SLC7A14: variants seen among roughly 807,000 people sequenced by gnomAD.
SLC7A14 encodes gamma-aminobutyric acid transporter SLC7A14.
Under a neutral mutation model 60.2 loss-of-function variants are expected in SLC7A14, and 37 were observed. The observed-to-expected ratio is 0.61, with a 90% CI of 0.47 to 0.81. The LOEUF is 0.81. Ranked by LOEUF, SLC7A14 falls within the 30% of genes least tolerant of loss-of-function variation. The pLI is 0.00. For missense variants in SLC7A14, 886 were observed against 982.7 expected (o/e 0.90, Z 1.32); for synonymous variants, 399 against 395.8 (o/e 1.01, Z -0.10).
chr3:170,498,548 G>A, intron 4 of SLC7A14, 119 bp downstream of exon 4: 1 of 813,932 alleles, frequency 1.2e-6, no homozygotes, highest in Admixed American at 2.6e-5. Flanking sequence ...AGGTGATAAA[G>A]AGGGTGCTGT....
At chr3:170,552,786 A>G (rs1714386038) in intron 1 of SLC7A14, among the ~76,000 whole-genome samples, 1 of 152,224 alleles carries the variant, frequency 6.6e-6, no homozygotes, top group African/African-American at 2.4e-5. Flanking sequence ...ACATGGTTAA[A>G]ATAGGAAACT....
rs13077794 is a variant in SLC7A14 at position 170,462,216 on chromosome 3, T to C, written c.*4839A>G. 83,650 of 151,990 alleles carry C rather than the reference T, an allele frequency of 0.55. 24,960 individuals are homozygous for C. Among genetic ancestry groups the C allele is most frequent in the Middle Eastern group, 0.7 (206 of 294 alleles). 9.4% of individuals were successfully genotyped at this position (151,990 alleles called of 1,614,324 possible). A position where few individuals can be genotyped will look rare whatever the true frequency, so the allele number is the denominator to read the frequency against. ...ACCTAGTGCGAAAGGGGACGGCAAT[T>C]TTCTCCAGTCTTCTATGTGGATTTT... On this transcript the variant is annotated 3_prime_UTR_variant, in exon 8 of 8. Coordinates refer to ENST00000231706, the MANE Select transcript of SLC7A14 (RefSeq NM_020949.3).
chr3:170,532,467 TACTA>T lies in SLC7A14; in HGVS notation c.-152-5383_-152-5380del, dbSNP rs1560271764. 1.3e-5 allele frequency among the ~76,000 whole-genome samples: 2 copies of T among 152,244 alleles called. No individual in the cohort carries two copies. Among genetic ancestry groups the T allele is most frequent in the African/African-American group, 2.4e-5 (1 of 41,466 alleles). ...TGCATGCAAATTCTGCCTCTGCCTT[TACTA>T]ACTAAGTGACCTTGGGCAAACCTCA... On this transcript the variant is annotated intron_variant, in intron 1 of 7. Transcript: ENST00000231706. This position sits in a 1 kb window ranked among gnomAD's most constrained non-coding sequence, Gnocchi z 4.0.
chr3:170,520,251 G>GT lies in SLC7A14; in HGVS notation c.304+6381dup, dbSNP rs1713302164. ...TTCTCATCTGTAATATGCAGTAAGT[G>GT]TAACACCACTTGTCACATATGGTTT... On this transcript the variant is annotated intron_variant, in intron 2 of 7. Coordinates refer to ENST00000231706, the MANE Select transcript of SLC7A14 (RefSeq NM_020949.3). Among the ~76,000 whole-genome samples, 3 of 152,146 alleles carry GT rather than the reference G, an allele frequency of 2.0e-5. 1 individual carries two copies. In the South Asian group the frequency reaches 6.2e-4, roughly 32 times the overall value.
chr3:170,533,675 GT>G (rs1713747187), intron 1 of SLC7A14, among the ~76,000 whole-genome samples: 5 of 152,014 alleles, frequency 3.3e-5, no homozygotes, highest in Admixed American at 3.3e-4. Flanking sequence ...GTGTGTGTGT[GT>G]GTGGTGTGTG....
chr3:170,573,207 C>A (rs1714999205), intron 1 of SLC7A14, among the ~76,000 whole-genome samples: 1 of 152,158 alleles, frequency 6.6e-6, no homozygotes, highest in South Asian at 2.1e-4. Flanking sequence ...GCACAAAATA[C>A]AAGAGATGTG....
chr3:170,473,434 C>T (rs981049377), intron 7 of SLC7A14, among the ~76,000 whole-genome samples: 7 of 152,228 alleles, frequency 4.6e-5, no homozygotes, highest in Non-Finnish European at 8.8e-5. Context: ...AAGCTCCATA[C>T]TTAGAACCGA....
At position 170,459,678 on chromosome 3, in the gene SLC7A14, G is replaced by A. The variant is rs1042392451; in HGVS notation, c.*7377C>T. 3.9e-5 allele frequency: 6 copies of A among 152,150 alleles called. No individual in the cohort carries two copies. Among genetic ancestry groups the A allele is most frequent in the Non-Finnish European group, 4.4e-5 (3 of 68,024 alleles). The allele number at this position is 152,150 out of a possible 1,614,324, so 9.4% of individuals were successfully genotyped here. A position where few individuals can be genotyped will look rare whatever the true frequency, so the allele number is the denominator to read the frequency against. On this transcript the variant is annotated 3_prime_UTR_variant, in exon 8 of 8. Transcript: ENST00000231706. ...TCTGGCTTTTCTACAAAGGACAATT[G>A]AAACACTTAAGGCGAAATTCACTTA... is the stretch of plus-strand genomic sequence containing the variant.
intron 2 of SLC7A14, among the ~76,000 whole-genome samples, chr3:170,517,001 C>T (rs1713178907): frequency 6.6e-6 from 1 of 152,056 alleles, no homozygotes; most frequent in Admixed American, 6.6e-5. Flanking sequence ...AAATGGTTTT[C>T]AGCTAGTGTG....
intron 1 of SLC7A14, among the ~76,000 whole-genome samples, chr3:170,563,504 G>A (rs1038980059): frequency 3.4e-5 from 5 of 145,708 alleles, no homozygotes; most frequent in Non-Finnish European, 7.4e-5. Context: ...TGCAACCTCT[G>A]CCTCCTGGGT....
chr3:170,575,203 T>C (rs1715056738), intron 1 of SLC7A14, among the ~76,000 whole-genome samples: 1 of 152,242 alleles, frequency 6.6e-6, no homozygotes, highest in African/African-American at 2.4e-5. Context: ...TTATGTGCTC[T>C]GTGTGCAGGC....
chr3:170,507,285 C>T (rs1668125576), intron 2 of SLC7A14, among the ~76,000 whole-genome samples: 1 of 152,184 alleles, frequency 6.6e-6, no homozygotes, highest in Admixed American at 6.5e-5. Flanking sequence ...GACAGAGACA[C>T]AAATGGTAAG....
In SLC7A14 at chr3:170,481,056, T is replaced by C. The variant is rs747951083; in HGVS notation, c.1226A>G (p.Glu409Gly). The C allele has an allele frequency of 1.2e-6, 2 of 1,613,944 alleles. No individual in the cohort carries two copies. The highest frequency in any genetic ancestry group is 1.7e-5 in the Admixed American group (1 of 60,004). The change falls in exon 7 of 8, where the codon GAG (glutamate) becomes GGG (glycine). Residue 409 changes from glutamate to glycine, a missense_variant. Glu to Gly is a moderately conservative substitution (Grantham distance 98). Coordinates refer to ENST00000231706, the MANE Select transcript of SLC7A14 (RefSeq NM_020949.3). Reference protein sequence around the residue: ...ALLVSLRDLIEMMSIGTLLAY... With the variant: ...ALLVSLRDLIGMMSIGTLLAY... ...CAGGAGCGTGCCGATAGACATCATC[T>C]CTATCAGGTCTCTCAAGCTGACCAA...
At chr3:170,566,602 T>C (rs527872778) in intron 1 of SLC7A14, among the ~76,000 whole-genome samples, 1 of 152,298 alleles carries the variant, frequency 6.6e-6, no homozygotes, top group East Asian at 1.9e-4. Flanking sequence ...GTCAGAACCT[T>C]CCATCACTGT....
chr3:170,551,868 A>C (rs1375643009), intron 1 of SLC7A14, among the ~76,000 whole-genome samples: 1 of 152,070 alleles, frequency 6.6e-6, no homozygotes, highest in Admixed American at 6.6e-5. Flanking sequence ...CATTCTTTTC[A>C]CTTTCTTAAA....
At position 170,480,994 on chromosome 3, in the gene SLC7A14, G is replaced by A. The variant is rs1316436990; in HGVS notation, c.1288C>T (p.Arg430Ter). ...TCAATGTCACTCTCAGGTTGGTATC[G>A]AAGGAGCAAGACACAGACAGAGACC... ...TLVSVCVLLL[R>*]YQPESDIDGF... Residue 430 changes from arginine to a stop codon, truncating the protein, a stop_gained, in exon 7 of 8, where the codon CGA (arginine) becomes TGA (stop). Coordinates refer to ENST00000231706, the MANE Select transcript of SLC7A14 (RefSeq NM_020949.3). LOFTEE classifies it high-confidence loss of function. 1.9e-6 allele frequency: 3 copies of A among 1,613,942 alleles called. No individual in the cohort carries two copies. The highest frequency in any genetic ancestry group is 2.5e-6 in the Non-Finnish European group (3 of 1,180,032).
rs963512711 is a variant in SLC7A14, at chr3:170,483,525, G to C, written c.907-3C>G. Reference sequence around the variant, plus strand: ...ATCAGAGTTAAGATCACGCTCACCTGTTAAAACAAGAGAAGACAGGGCTGG... The same window carrying C: ...ATCAGAGTTAAGATCACGCTCACCTCTTAAAACAAGAGAAGACAGGGCTGG... On this transcript the variant is annotated splice_region_variant and splice_polypyrimidine_tract_variant and intron_variant, in intron 5 of 7. Coordinates refer to ENST00000231706, the MANE Select transcript of SLC7A14 (RefSeq NM_020949.3). The C allele has an allele frequency of 6.2e-7, 1 of 1,614,042 alleles. No homozygotes were observed. The highest frequency in any genetic ancestry group is 1.3e-5 in the African/African-American group (1 of 74,916).
chr3:170,528,838 C>T (rs898791909), intron 1 of SLC7A14, among the ~76,000 whole-genome samples: 2 of 152,106 alleles, frequency 1.3e-5, no homozygotes, highest in East Asian at 1.9e-4. Context: ...ATATGTTTAC[C>T]GAGAAGGCCG....
At chr3:170,581,385 A>G (rs1715230827) in intron 1 of SLC7A14, among the ~76,000 whole-genome samples, 1 of 152,140 alleles carries the variant, frequency 6.6e-6, no homozygotes, top group Non-Finnish European at 1.5e-5. Context: ...TTACTTAAAA[A>G]CTATTAGTTA....
Sources: allele counts gnomAD v4.1 joint callset (sites outside exome capture counted in the v4.1 genomes callset), GRCh38; gene constraint gnomAD v4.1.1; non-coding constraint Gnocchi (gnomAD v3.1); transcripts MANE v1.5; gene names NCBI Gene and HGNC (gene_info 2026-07-23, HGNC 2026-07-21).